CTNNA3: variants seen among roughly 807,000 people sequenced by gnomAD.
CTNNA3 encodes the protein catenin alpha-3.
CTNNA3 carries 76 observed loss-of-function variants against 95.7 expected under a neutral mutation model. The observed-to-expected ratio is 0.79, with a 90% CI of 0.66 to 0.96. The LOEUF is 0.96. Ranked by LOEUF, CTNNA3 falls within the 40% of genes least tolerant of loss-of-function variation. The probability of loss-of-function intolerance (pLI) is 0.00; values close to 1 mark genes in which losing one functional copy is unlikely to be tolerated. For missense variants in CTNNA3, 1,191 were observed against 1,089.8 expected, an observed-to-expected ratio of 1.09 and a Z score of -1.31; for synonymous variants, 431 against 374.4, an observed-to-expected ratio of 1.15 and a Z score of -1.74.
chr10:66,128,097 A>G (rs1179034389), intron 13 of CTNNA3, among the ~76,000 whole-genome samples: 1 of 152,162 alleles, frequency 6.6e-6, no homozygotes, highest in East Asian at 1.9e-4. Context: ...AAACAGTTAG[A>G]ACTGTTTTAT....
chr10:66,180,091 A>G (rs2085959898), intron 13 of CTNNA3, among the ~76,000 whole-genome samples: 2 of 152,156 alleles, frequency 1.3e-5, no homozygotes, highest in Non-Finnish European at 2.9e-5. Flanking sequence ...GTATGCTGCC[A>G]ATTAGATAAA....
At chr10:66,514,880 T>TAAAC (rs1840785557) in intron 11 of CTNNA3, among the ~76,000 whole-genome samples, 1 of 152,112 alleles carries the variant, frequency 6.6e-6, no homozygotes, top group Admixed American at 6.5e-5. Flanking sequence ...TGAAAATATA[T>TAAAC]GTTTAACTAT....
At chr10:66,426,303 A>G (rs533372812) in intron 11 of CTNNA3, among the ~76,000 whole-genome samples, 15 of 152,158 alleles carry the variant, frequency 9.9e-5, no homozygotes, top group Admixed American at 6.6e-4. Context: ...CTGTTAAAGT[A>G]TTGTCCAATT....
chr10:67,566,370 C>T (rs1478553308), intron 3 of CTNNA3, among the ~76,000 whole-genome samples: 1 of 151,282 alleles, frequency 6.6e-6, no homozygotes, highest in African/African-American at 2.4e-5. Context: ...AGGACATGAA[C>T]AGACACTTCT....
intron 10 of CTNNA3, among the ~76,000 whole-genome samples, chr10:66,592,541 CAGAT>C (rs1843588767): frequency 6.6e-6 from 1 of 151,992 alleles, no homozygotes; most frequent in South Asian, 2.1e-4. Flanking sequence ...ATGTATATGA[CAGAT>C]AGAATGCATA....
At chr10:67,722,985 CTT>C (rs141498050) in intron 1 of CTNNA3, among the ~76,000 whole-genome samples, 15,429 of 118,816 alleles carry the variant, frequency 0.13, 1,017 homozygotes, top group East Asian at 0.39. Flanking sequence ...TCTTTCAGCT[CTT>C]TTTTTTTTTT....
At chr10:66,939,735 A>G (rs1847896776) in intron 7 of CTNNA3, among the ~76,000 whole-genome samples, 1 of 152,176 alleles carries the variant, frequency 6.6e-6, no homozygotes, top group South Asian at 2.1e-4. Flanking sequence ...CTTTTTTGGA[A>G]CATACGTGAT....
Position 65,961,758 on chromosome 10 carries a change from T to TA in CTNNA3, c.2400+4853dup, listed in dbSNP as rs35657395. On this transcript the variant is annotated intron_variant, in intron 17 of 17. Transcript: ENST00000433211. ...TGACTAAGCTCTAGCGAATAGTTTG[T>TA]AAAAAAAAAAAATTAGTATTTGAAA... Among the ~76,000 whole-genome samples, 898 of 146,056 alleles carry TA rather than the reference T, an allele frequency of 6.1e-3. 3 individuals carry two copies. Among genetic ancestry groups the TA allele is most frequent in the South Asian group, 0.031 (143 of 4,660 alleles).
chr10:67,438,567 T>A (rs778398868), intron 5 of CTNNA3, among the ~76,000 whole-genome samples: 12 of 152,124 alleles, frequency 7.9e-5, no homozygotes, highest in Admixed American at 4.6e-4. Context: ...AAAAAAGCAC[T>A]GACATAAGAA....
intron 5 of CTNNA3, among the ~76,000 whole-genome samples, chr10:67,235,867 T>C (rs1318270709): frequency 7.1e-6 from 1 of 140,824 alleles, no homozygotes; most frequent in Non-Finnish European, 1.5e-5. Context: ...AACAGACTCT[T>C]CTCAAAAGAA....
chr10:66,859,969 G>C (rs577438820), intron 7 of CTNNA3, among the ~76,000 whole-genome samples: 1 of 122,156 alleles, frequency 8.2e-6, no homozygotes, highest in African/African-American at 3.2e-5. Context: ...TGAACAATGA[G>C]AACACATGGA....
chr10:67,404,013 A>G (rs1315779323), intron 5 of CTNNA3, among the ~76,000 whole-genome samples: 1 of 152,166 alleles, frequency 6.6e-6, no homozygotes, highest in Non-Finnish European at 1.5e-5. Flanking sequence ...AACGAGCAAA[A>G]CAACAAGAAC....
intron 5 of CTNNA3, among the ~76,000 whole-genome samples, chr10:67,478,716 A>C (rs1338379045): frequency 6.6e-6 from 1 of 152,126 alleles, no homozygotes. Flanking sequence ...TAAAGCAATC[A>C]CACAATAGAA....
chr10:66,391,679 T>G lies in CTNNA3; in HGVS notation c.1532-12327A>C, dbSNP rs1244159949. Among the ~76,000 whole-genome samples, 3 of 152,166 alleles carry G rather than the reference T, an allele frequency of 2.0e-5. 1 individual carries two copies. Among genetic ancestry groups the G allele is most frequent in the African/African-American group, 7.2e-5 (3 of 41,462 alleles). ...ATCCTAAAGGCTATAGCTTCATTGCTCTGTAGGACATTAACCAGTTTTGTT... is the reference window on the plus strand; with the variant it reads ...ATCCTAAAGGCTATAGCTTCATTGCGCTGTAGGACATTAACCAGTTTTGTT... On this transcript the variant is annotated intron_variant, in intron 11 of 17. Coordinates refer to ENST00000433211, the MANE Select transcript of CTNNA3 (RefSeq NM_013266.4).
At chr10:66,002,540 T>C (rs1017175939) in intron 15 of CTNNA3, among the ~76,000 whole-genome samples, 1 of 152,168 alleles carries the variant, frequency 6.6e-6, no homozygotes, top group Non-Finnish European at 1.5e-5. Flanking sequence ...CAAAATGTCT[T>C]AGTAGCTTAA....
chr10:66,063,221 G>T (rs1192061577), intron 15 of CTNNA3, among the ~76,000 whole-genome samples: 3 of 102,750 alleles, frequency 2.9e-5, no homozygotes, highest in African/African-American at 8.8e-5. Context: ...TATAGATATA[G>T]ATATAGATAG....
chr10:67,583,697 A>G (rs564088777), intron 3 of CTNNA3, among the ~76,000 whole-genome samples: 1 of 152,294 alleles, frequency 6.6e-6, no homozygotes, highest in South Asian at 2.1e-4. Context: ...CAGGTACACC[A>G]ATCAGACGTA....
At chr10:66,472,834 G>A (rs2131879243) in intron 11 of CTNNA3, among the ~76,000 whole-genome samples, 1 of 151,996 alleles carries the variant, frequency 6.6e-6, no homozygotes, top group South Asian at 2.1e-4. Flanking sequence ...AAAATATAGT[G>A]TGGTAGTAAC....
Position 66,748,186 on chromosome 10 carries a change from C to T in CTNNA3, c.1281+18078G>A, listed in dbSNP as rs550626827. On this transcript the variant is annotated intron_variant, in intron 9 of 17. Coordinates refer to ENST00000433211, the MANE Select transcript of CTNNA3 (RefSeq NM_013266.4). ...AAAAAGTTTGATTACAAAAAACGTT[C>T]GAATCTGGAGATTAATAACCTTCAA... Among the ~76,000 whole-genome samples, 46 of 152,206 alleles carry T rather than the reference C, an allele frequency of 3.0e-4. 1 individual carries two copies. Among genetic ancestry groups the T allele is most frequent in the African/African-American group, 1.1e-3 (45 of 41,522 alleles).
Sources: allele counts gnomAD v4.1 joint callset (sites outside exome capture counted in the v4.1 genomes callset), GRCh38; gene constraint gnomAD v4.1.1; transcripts MANE v1.5; gene names NCBI Gene and HGNC (gene_info 2026-07-23, HGNC 2026-07-21).